Variants in EFTUD2 observed in about 807,000 individuals in gnomAD.
EFTUD2 encodes the protein 116 kDa U5 small nuclear ribonucleoprotein component.
EFTUD2 carries 9 observed loss-of-function variants against 114.3 expected under a neutral mutation model. The ratio of observed to expected loss-of-function variants is 0.08; its 90% CI spans 0.05 to 0.14. The LOEUF (loss-of-function observed/expected upper bound fraction) is 0.14, where lower values mean the gene tolerates loss of function less well. EFTUD2 is among the 10% of genes least tolerant of loss of function. EFTUD2 has a pLI of 1.00. For missense variants in EFTUD2, 765 were observed against 1,241.2 expected, an observed-to-expected ratio of 0.62 and a Z score of 5.76; for synonymous variants, 449 against 462.3, an observed-to-expected ratio of 0.97 and a Z score of 0.37.
intron 20 of EFTUD2, among the ~76,000 whole-genome samples, chr17:44,856,060 G>A (rs1467676152): frequency 1.3e-5 from 2 of 149,608 alleles, no homozygotes; most frequent in Non-Finnish European, 3.0e-5. Flanking sequence ...GAGCTCGGAA[G>A]GTTGAGGCTG....
chr17:44,875,823 A>T (rs756021467), intron 10 of EFTUD2, 111 bp downstream of exon 10: 933 of 1,409,432 alleles, frequency 6.6e-4, no homozygotes, highest in Non-Finnish European at 8.7e-4. Context: ...GTTTTGCCCA[A>T]CAAACTCATC....
intron 16 of EFTUD2, 45 bp downstream of exon 16, chr17:44,862,668 T>C: frequency 1.3e-6 from 2 of 1,565,020 alleles, no homozygotes; most frequent in Non-Finnish European, 1.7e-6. Flanking sequence ...GGGCAGCCCC[T>C]GGATAGACAC....
intron 20 of EFTUD2, among the ~76,000 whole-genome samples, chr17:44,856,645 C>G (rs1448368724): frequency 6.6e-6 from 1 of 151,860 alleles, no homozygotes; most frequent in Non-Finnish European, 1.5e-5. Context: ...CAAGACCAGT[C>G]TGGACAACAA....
chr17:44,851,440 C>T, intron 27 of EFTUD2, 71 bp from the exon 28 acceptor site: 1 of 1,317,062 alleles, frequency 7.6e-7, no homozygotes, highest in Non-Finnish European at 1.1e-6. Flanking sequence ...TATCCAAGAC[C>T]TGTGTTCAGT....
chr17:44,864,038 A>G (rs905263877), intron 14 of EFTUD2: 4 of 344,264 alleles, frequency 1.2e-5, no homozygotes, highest in African/African-American at 8.5e-5. Context: ...CAGCTGACAA[A>G]AAGTTTAAAG....
Position 44,867,928 on chromosome 17 carries a change from A to G in EFTUD2, c.1059-31T>C, listed in dbSNP as rs2120276. ...AGGAAAAATAAGTTCTGAGTGACCC[A>G]GGGGAAAAGGCACTATCACTGATCC... On this transcript the variant is annotated intron_variant, in intron 12 of 27. Transcript: ENST00000426333. The G allele has an allele frequency of 0.63, 976,075 of 1,538,724 alleles. 311,836 individuals are homozygous for G. Among genetic ancestry groups the G allele is most frequent in the African/African-American group, 0.82 (60,080 of 73,022 alleles).
rs572335936 is a variant in EFTUD2 at position 44,854,920 on chromosome 17, G to A, written c.2130C>T (p.Asn710=). 5.9e-5 allele frequency: 95 copies of A among 1,614,074 alleles called. 1 individual carries two copies. In the South Asian group the frequency reaches 9.7e-4, roughly 16 times the overall value. Residue 710 remains asparagine (N), a splice_region_variant and synonymous_variant, in exon 21 of 28, where the codon AAC becomes AAT. Coordinates refer to ENST00000426333, the MANE Select transcript of EFTUD2 (RefSeq NM_004247.4). The surrounding 1 kb of genome is among the most constrained non-coding windows in gnomAD (Gnocchi z 4.3). ...TGGCGTCAGAGCCCTGTTCTCACCT[G>A]TTCCACGTAATCTGGACCACCTCAT... ...IENEVVQITW[N]RKKLGEFFQT...
At chr17:44,876,717 G>A (rs1414930792) in intron 9 of EFTUD2, among the ~76,000 whole-genome samples, 1 of 151,964 alleles carries the variant, frequency 6.6e-6, no homozygotes, top group East Asian at 1.9e-4. Context: ...GCTGGGCGTG[G>A]TGGCAGGCAC....
intron 13 of EFTUD2, 70 bp from the exon 14 acceptor site, chr17:44,865,135 A>T (rs560216279): frequency 6.3e-7 from 1 of 1,574,958 alleles, no homozygotes; most frequent in South Asian, 1.1e-5. Context: ...GAGACAAGGG[A>T]AGTCCAAAGA....
intron 25 of EFTUD2, among the ~76,000 whole-genome samples, chr17:44,852,778 A>G (rs1275710913): frequency 6.6e-6 from 1 of 152,216 alleles, no homozygotes; most frequent in Non-Finnish European, 1.5e-5. Context: ...GGCAGAGGAC[A>G]GGAGTGGGAT....
chr17:44,896,762 T>C (rs1262335807), intron 1 of EFTUD2, among the ~76,000 whole-genome samples: 2 of 152,256 alleles, frequency 1.3e-5, no homozygotes, highest in African/African-American at 4.8e-5. Context: ...TTGGAAGACT[T>C]AGATTCAAAT....
rs1597788427 is a variant in EFTUD2 at position 44,853,514 on chromosome 17, T to C, written c.2466+3A>G. 2 of 1,614,110 alleles carry C rather than the reference T, an allele frequency of 1.2e-6. No individual in the cohort carries two copies. Among genetic ancestry groups the C allele is most frequent in the East Asian group, 4.5e-5 (2 of 44,882 alleles). ...ATGGTCCCCTACCGCCCCATTCTCTTACCATGAGGAAGGCAGAGTAGACGA... is the reference window on the plus strand; with the variant it reads ...ATGGTCCCCTACCGCCCCATTCTCTCACCATGAGGAAGGCAGAGTAGACGA... On this transcript the variant is annotated splice_donor_region_variant and intron_variant, in intron 24 of 27. Coordinates refer to ENST00000426333, the MANE Select transcript of EFTUD2 (RefSeq NM_004247.4).
In EFTUD2 at chr17:44,865,283, C is replaced by A. The variant is rs1363513526; in HGVS notation, c.1150-218G>T. On this transcript the variant is annotated intron_variant, in intron 13 of 27. Coordinates refer to ENST00000426333, the MANE Select transcript of EFTUD2 (RefSeq NM_004247.4). ...AAAGCCAACTTGGTTACATCCCCAT[C>A]CCAGCCAATAAACCAAGCACTCAGA... is the stretch of plus-strand genomic sequence containing the variant. 1.1e-5 allele frequency: 6 copies of A among 537,600 alleles called. No individual in the cohort carries two copies. In the East Asian group the frequency reaches 2.0e-4, roughly 18 times the overall value. 33.3% of individuals were successfully genotyped at this position (537,600 alleles called of 1,614,324 possible).
In EFTUD2 at chr17:44,850,839, G is replaced by T. The variant is rs560513423; in HGVS notation, c.*435C>A. 9.3e-5 allele frequency: 22 copies of T among 235,762 alleles called. No individual in the cohort carries two copies. The highest frequency in any genetic ancestry group is 1.7e-3 in the Middle Eastern group (1 of 574). 14.6% of individuals were successfully genotyped at this position (235,762 alleles called of 1,614,324 possible). Reference sequence around the variant, plus strand: ...GCAGAGGCAGTGAAGCCTCTTGGGAGATGACATATATTCAGAATGTAAGCA... The same window carrying T: ...GCAGAGGCAGTGAAGCCTCTTGGGATATGACATATATTCAGAATGTAAGCA... On this transcript the variant is annotated 3_prime_UTR_variant, in exon 28 of 28. Transcript: ENST00000426333.
chr17:44,884,519 GAAAA>G lies in EFTUD2; in HGVS notation c.350+733_350+736del, dbSNP rs35195434. Among the ~76,000 whole-genome samples the G allele has an allele frequency of 1.0e-3, 134 of 130,690 alleles. 5 individuals carry two copies. In the South Asian group the frequency reaches 0.03, roughly 29 times the overall value. The allele number at this position is 130,690 out of a possible 152,430, so 85.7% of individuals were successfully genotyped here. On this transcript the variant is annotated intron_variant, in intron 4 of 27. Transcript: ENST00000426333. The stretch of plus-strand genomic sequence containing the variant: ...GGGCAACAGAGTGAGACCCCGCATC[GAAAA>G]AAAAAAAAAGAGAGAGAGAGAGCAC...
At chr17:44,882,989 C>T (rs1388369869) in intron 6 of EFTUD2, 104 bp downstream of exon 6, 5 of 1,036,924 alleles carry the variant, frequency 4.8e-6, no homozygotes, top group South Asian at 1.8e-5. Context: ...ACTTTGGAGG[C>T]GTCATTATTT....
At chr17:44,876,871 A>AAAC (rs2050965242) in intron 9 of EFTUD2, among the ~76,000 whole-genome samples, 1 of 150,160 alleles carries the variant, frequency 6.7e-6, no homozygotes, top group Admixed American at 6.6e-5. Flanking sequence ...AAAAAAAAAA[A>AAAC]AAAAAAAAAA....
chr17:44,870,657 A>G (rs901002151), intron 11 of EFTUD2, among the ~76,000 whole-genome samples: 2 of 152,184 alleles, frequency 1.3e-5, no homozygotes, highest in African/African-American at 2.4e-5. Flanking sequence ...CTTAATGAAC[A>G]GTAAATGTGT....
chr17:44,883,076 A>G lies in EFTUD2; in HGVS notation c.492+17T>C. 6.2e-7 allele frequency: 1 copy of G among 1,613,952 alleles called. No individual in the cohort carries two copies. The highest frequency in any genetic ancestry group is 1.1e-5 in the South Asian group (1 of 91,064). On this transcript the variant is annotated intron_variant, in intron 6 of 27. Coordinates refer to ENST00000426333, the MANE Select transcript of EFTUD2 (RefSeq NM_004247.4). The stretch of plus-strand genomic sequence containing the variant: ...CTGAATGGTTCATCCTAAACCCTCA[A>G]CAGAAGTTCTACTTACATCTTGGTC...
Sources: allele counts gnomAD v4.1 joint callset (sites outside exome capture counted in the v4.1 genomes callset), GRCh38; gene constraint gnomAD v4.1.1; non-coding constraint Gnocchi (gnomAD v3.1); transcripts MANE v1.5; gene names NCBI Gene and HGNC (gene_info 2026-07-23, HGNC 2026-07-21).